The following ITPR2 variants were observed in gnomAD, a reference collection of about 807,000 sequenced individuals.
The protein encoded by ITPR2 is inositol 1,4,5-trisphosphate-gated calcium channel ITPR2.
ITPR2 carries 207 observed loss-of-function variants against 317.1 expected under a neutral mutation model. That is an observed-to-expected ratio of 0.65 (90% CI 0.58 to 0.73). The LOEUF (loss-of-function observed/expected upper bound fraction) is 0.73, where lower values mean the gene tolerates loss of function less well. ITPR2 is among the 30% of genes least tolerant of loss of function. ITPR2 has a pLI of 0.00. For synonymous variants in ITPR2, 1,156 were observed against 1,149.1 expected (o/e 1.01, Z -0.12); for missense variants, 2,613 against 3,284.0 (o/e 0.80, Z 4.99).
intron 37 of ITPR2, among the ~76,000 whole-genome samples, chr12:26,521,272 T>G (rs1943656431): frequency 6.6e-6 from 1 of 152,296 alleles, no homozygotes; most frequent in East Asian, 1.9e-4. Context: ...GATACTGTAT[T>G]ATTATTTATT....
intron 51 of ITPR2, among the ~76,000 whole-genome samples, chr12:26,412,894 C>T (rs57619300): frequency 0.034 from 5,244 of 152,146 alleles, 200 homozygotes; most frequent in African/African-American, 0.1. Flanking sequence ...GATCTAAAGG[C>T]TGTGAACCAA....
intron 34 of ITPR2, among the ~76,000 whole-genome samples, chr12:26,566,295 G>A (rs1443312965): frequency 7.2e-6 from 1 of 139,276 alleles, no homozygotes; most frequent in Non-Finnish European, 1.6e-5. Flanking sequence ...AGGGAGGAGA[G>A]GAGAGGGAGA....
chr12:26,442,497 T>C (rs935581952), intron 46 of ITPR2, among the ~76,000 whole-genome samples: 7 of 152,144 alleles, frequency 4.6e-5, no homozygotes, highest in African/African-American at 7.2e-5. Context: ...ACTTCTCCCA[T>C]GGCCTGCTCA....
At position 26,340,251 on chromosome 12, in the gene ITPR2, T is replaced by G; in HGVS notation, c.7935A>C (p.Glu2645Asp). 6.2e-7 allele frequency: 1 copy of G among 1,612,306 alleles called. No individual in the cohort carries two copies. Among genetic ancestry groups the G allele is most frequent in the South Asian group, 1.1e-5 (1 of 90,412 alleles). Residue 2645 changes from glutamate to aspartate, a missense_variant, in exon 56 of 57, where the codon GAA becomes GAC. Transcript: ENST00000381340. ...CCAACTTCTCCTGAAGGCTCCGAAT[T>G]TCATTTTGCTCACTGTCGCCTTCAT... ...VSNEGDSEQN[E>D]IRSLQEKLES...
chr12:26,370,672 T>A (rs11048484), intron 55 of ITPR2, among the ~76,000 whole-genome samples: 9 of 149,866 alleles, frequency 6.0e-5, no homozygotes, highest in Non-Finnish European at 1.3e-4. Flanking sequence ...GTTGTTGTTG[T>A]TTGTTGTTTG....
chr12:26,370,005 CAGG>C (rs1305850154), intron 55 of ITPR2, among the ~76,000 whole-genome samples: 58 of 152,294 alleles, frequency 3.8e-4, no homozygotes, highest in African/African-American at 1.4e-3. Context: ...TCCACAAAGA[CAGG>C]GCACAGAAGC....
At chr12:26,402,940 G>A (rs750157398) in intron 52 of ITPR2, among the ~76,000 whole-genome samples, 1 of 152,182 alleles carries the variant, frequency 6.6e-6, no homozygotes, top group Non-Finnish European at 1.5e-5. Flanking sequence ...GAGAAGGATG[G>A]AAGTGTCCCA....
intron 55 of ITPR2, among the ~76,000 whole-genome samples, chr12:26,386,236 A>G (rs1939659980): frequency 6.6e-6 from 1 of 152,182 alleles, no homozygotes; most frequent in Non-Finnish European, 1.5e-5. Context: ...TCTGATTTAA[A>G]AGGAGGAGGA....
chr12:26,436,435 T>C lies in ITPR2; in HGVS notation c.6644-89A>G, dbSNP rs138472650. 291 of 1,181,394 alleles carry C rather than the reference T, an allele frequency of 2.5e-4. 1 individual carries two copies. The African/African-American group carries it at 4.1e-3, about 17-fold the overall frequency. The allele number at this position is 1,181,394 out of a possible 1,614,324, so 73.2% of individuals were successfully genotyped here. ...CTTACCAAAACAATATTTTACTAAA[T>C]GCATCATTTTTGTAAACTATTATAA... is the stretch of plus-strand genomic sequence containing the variant. On this transcript the variant is annotated intron_variant, in intron 47 of 56. Transcript: ENST00000381340.
Position 26,556,117 on chromosome 12 carries a change from A to G in ITPR2, c.4964+116T>C, listed in dbSNP as rs1944654903. On this transcript the variant is annotated intron_variant, in intron 36 of 56. Transcript: ENST00000381340. The stretch of plus-strand genomic sequence containing the variant: ...GGCAGTATATTTTAACATGGATTTT[A>G]GACCTTTCGCATACTTTGCGGACTG... 3 of 877,946 alleles carry G rather than the reference A, an allele frequency of 3.4e-6. 1 individual carries two copies. The highest frequency in any genetic ancestry group is 5.0e-6 in the Non-Finnish European group (3 of 601,240). 54.4% of individuals were successfully genotyped at this position (877,946 alleles called of 1,614,324 possible).
At chr12:26,486,062 A>G (rs2136847821) in intron 41 of ITPR2, 42 bp downstream of exon 41, 1 of 1,602,408 alleles carries the variant, frequency 6.2e-7, no homozygotes. Context: ...ACTGATAAAC[A>G]TAGGTTGTAT....
In ITPR2 at chr12:26,596,967, A is replaced by AT. The variant is rs760142102; in HGVS notation, c.4169dup (p.Asn1390LysfsTer5). 6.2e-7 allele frequency: 1 copy of AT among 1,612,526 alleles called. No homozygotes were observed. The highest frequency in any genetic ancestry group is 1.7e-5 in the Admixed American group (1 of 59,880). ...AATTACACTTGATTTCAGTGTAGACATTTTTCCCCTCTGTGCATGCTGCCA... is the reference window on the plus strand; with the variant it reads ...AATTACACTTGATTTCAGTGTAGACATTTTTTCCCCTCTGTGCATGCTGCCA... On this transcript the variant is annotated frameshift_variant, in exon 31 of 57. Transcript: ENST00000381340. LOFTEE classifies it high-confidence loss of function.
At chr12:26,788,141 C>G (rs1404899146) in intron 2 of ITPR2, among the ~76,000 whole-genome samples, 1 of 151,936 alleles carries the variant, frequency 6.6e-6, no homozygotes, top group South Asian at 2.1e-4. Flanking sequence ...AGACTGGTCT[C>G]GAACTCCCGA....
rs532782090 is a variant in ITPR2, at chr12:26,789,971, C to A, written c.163+186G>T. Among the ~76,000 whole-genome samples the A allele has an allele frequency of 4.6e-5, 7 of 152,242 alleles. No individual in the cohort carries two copies. The South Asian group carries it at 1.0e-3, about 23-fold the overall frequency. ...TGGCAAAACAAAAATCAAAACTATT[C>A]TTTCATTGTAAATCCCTCAATATGT... On this transcript the variant is annotated intron_variant, in intron 2 of 56. Coordinates refer to ENST00000381340, the MANE Select transcript of ITPR2 (RefSeq NM_002223.4).
chr12:26,373,972 T>C (rs910706190), intron 55 of ITPR2, among the ~76,000 whole-genome samples: 1 of 152,190 alleles, frequency 6.6e-6, no homozygotes, highest in African/African-American at 2.4e-5. Context: ...GTAAACTAGA[T>C]GACATTTCTT....
At chr12:26,476,838 T>C (rs1942427887) in intron 44 of ITPR2, 74 bp downstream of exon 44, 1 of 883,954 alleles carries the variant, frequency 1.1e-6, no homozygotes, top group African/African-American at 1.7e-5. Context: ...CAACTTTTTT[T>C]TCTGACATGC....
chr12:26,398,781 T>C (rs1940082529), intron 54 of ITPR2, 95 bp downstream of exon 54: 1 of 1,029,998 alleles, frequency 9.7e-7, no homozygotes, highest in Non-Finnish European at 1.4e-6. Context: ...TTTGAAATAA[T>C]TTTTCCGAAA....
Position 26,580,162 on chromosome 12 carries a change from A to C in ITPR2, c.4381-7T>G. On this transcript the variant is annotated splice_region_variant and splice_polypyrimidine_tract_variant and intron_variant, in intron 32 of 56. Coordinates refer to ENST00000381340, the MANE Select transcript of ITPR2 (RefSeq NM_002223.4). The stretch of plus-strand genomic sequence containing the variant: ...CTGTAGTTGTGTTGCAAACCTGGAG[A>C]GAAAATAAAACAACTCAATATGTTT... The C allele has an allele frequency of 6.2e-7, 1 of 1,608,224 alleles. No individual in the cohort carries two copies. Among genetic ancestry groups the C allele is most frequent in the Non-Finnish European group, 8.5e-7 (1 of 1,177,432 alleles).
chr12:26,649,411 T>C (rs971572959), intron 21 of ITPR2: 1 of 152,234 alleles, frequency 6.6e-6, no homozygotes, highest in African/African-American at 2.4e-5. Context: ...CTGCAATCCA[T>C]ATTTCTACAA....
Sources: allele counts gnomAD v4.1 joint callset (sites outside exome capture counted in the v4.1 genomes callset), GRCh38; gene constraint gnomAD v4.1.1; transcripts MANE v1.5; gene names NCBI Gene and HGNC (gene_info 2026-07-23, HGNC 2026-07-21).